ITGAD: variants seen among roughly 807,000 people sequenced by gnomAD.
ITGAD encodes the protein integrin alpha-D.
Under a neutral mutation model 139.0 loss-of-function variants are expected in ITGAD, and 105 were observed. The observed-to-expected ratio is 0.76, with a 90% CI of 0.65 to 0.89. The LOEUF (loss-of-function observed/expected upper bound fraction) is 0.89, where lower values mean the gene tolerates loss of function less well. Ranked by LOEUF, ITGAD falls within the 40% of genes least tolerant of loss-of-function variation. The pLI is 0.00. For synonymous variants in ITGAD, 569 were observed against 598.3 expected (o/e 0.95, Z 0.71); for missense variants, 1,384 against 1,487.3 (o/e 0.93, Z 1.14).
Position 31,414,954 on chromosome 16 carries a change from T to G in ITGAD, c.2246T>G (p.Val749Gly). 1 of 1,614,138 alleles carries G rather than the reference T, an allele frequency of 6.2e-7. No homozygotes were observed. The highest frequency in any genetic ancestry group is 8.5e-7 in the Non-Finnish European group (1 of 1,180,008). The change falls in exon 18 of 30, where the codon GTG becomes GGG. Residue 749 changes from valine to glycine, a missense_variant. Val to Gly is a moderately radical substitution (Grantham distance 109). Coordinates refer to ENST00000389202, the MANE Select transcript of ITGAD (RefSeq NM_005353.3). ...PIPSPQNLRPVLAVGSQDLFT... is the reference protein window; with the variant it reads ...PIPSPQNLRPGLAVGSQDLFT... ...CCCTCCCCCCAGAACCTGCGTCCTGTGCTGGCCGTGGGCTCACAAGACCTC... is the reference window on the plus strand; with the variant it reads ...CCCTCCCCCCAGAACCTGCGTCCTGGGCTGGCCGTGGGCTCACAAGACCTC...
chr16:31,423,227 A>T, intron 24 of ITGAD, 35 bp downstream of exon 24: 1 of 1,603,168 alleles, frequency 6.2e-7, no homozygotes, highest in Non-Finnish European at 8.5e-7. Context: ...TCTGCCTTCC[A>T]CGTTGTGGAT....
At chr16:31,425,794 TGCCTCA>T (rs2082103300) in intron 29 of ITGAD, among the ~76,000 whole-genome samples, 1 of 152,000 alleles carries the variant, frequency 6.6e-6, no homozygotes, top group Non-Finnish European at 1.5e-5. Flanking sequence ...GCGATTCTCT[TGCCTCA>T]GCCTCCTGAG....
At chr16:31,407,445 G>A (rs1267112015) in intron 7 of ITGAD, 70 bp from the exon 8 acceptor site, 2 of 1,408,618 alleles carry the variant, frequency 1.4e-6, no homozygotes, top group Non-Finnish European at 1.9e-6. Flanking sequence ...CCAGATGAGA[G>A]GACTGCAAAT....
In ITGAD at chr16:31,426,225, T is replaced by C; in HGVS notation, c.*97T>C. 1.3e-6 allele frequency: 1 copy of C among 788,552 alleles called. No individual in the cohort carries two copies. The allele number at this position is 788,552 out of a possible 1,614,324, so 48.8% of individuals were successfully genotyped here. A position where few individuals can be genotyped will look rare whatever the true frequency, so the allele number is the denominator to read the frequency against. On this transcript the variant is annotated 3_prime_UTR_variant, in exon 30 of 30. Transcript: ENST00000389202. ...AAACAACTTCTGCATAGATCTGCAC[T>C]GGCCTAAGCAACCTACCAGGTGCTA... is the stretch of plus-strand genomic sequence containing the variant.
rs947682706 is a variant in ITGAD at position 31,416,569 on chromosome 16, G to A, written c.2422G>A (p.Gly808Ser). The change falls in exon 20 of 30, where the codon GGT becomes AGT. Residue 808 changes from glycine to serine, a missense_variant. Physicochemically the swap from Gly to Ser is moderately conservative, Grantham distance 56. Coordinates refer to ENST00000389202, the MANE Select transcript of ITGAD (RefSeq NM_005353.3). ...CGTGATTGTGACTGTGTGGAACGCA[G>A]GTGAGGATTCCTACGGAACCGTGGT... ...LNVIVTVWNA[G>S]EDSYGTVVSL... The A allele has an allele frequency of 6.2e-7, 1 of 1,614,028 alleles. No individual in the cohort carries two copies. The highest frequency in any genetic ancestry group is 8.5e-7 in the Non-Finnish European group (1 of 1,179,894).
chr16:31,403,700 C>A lies in ITGAD; in HGVS notation c.704+55C>A. On this transcript the variant is annotated intron_variant, in intron 7 of 29. Transcript: ENST00000389202. This position sits in a 1 kb window ranked among gnomAD's most constrained non-coding sequence, Gnocchi z 4.4. ...GTGACTGCCACCCCCACTTCCTAAC[C>A]CTGGGTCAGCACAGCTCTTCTCAGA... 3 of 1,603,512 alleles carry A rather than the reference C, an allele frequency of 1.9e-6. No individual in the cohort carries two copies. The highest frequency in any genetic ancestry group is 2.6e-6 in the Non-Finnish European group (3 of 1,171,912).
In ITGAD at chr16:31,407,525, T is replaced by TC. The variant is rs749858821; in HGVS notation, c.715_716insC (p.Phe239SerfsTer4). ...TTTCCTCCCCGACAGGACACAGCTA[T>TC]TTCATCATAAGAATGGGGCCCGAAA... On this transcript the variant is annotated frameshift_variant, in exon 8 of 30. Transcript: ENST00000389202. LOFTEE classifies it high-confidence loss of function. The TC allele has an allele frequency of 1.1e-5, 17 of 1,593,300 alleles. No individual in the cohort carries two copies. The highest frequency in any genetic ancestry group is 1.1e-5 in the Non-Finnish European group (13 of 1,168,680).
intron 1 of ITGAD, among the ~76,000 whole-genome samples, chr16:31,393,824 T>TCA (rs2031772536): frequency 6.6e-6 from 1 of 151,994 alleles, no homozygotes; most frequent in South Asian, 2.1e-4. Context: ...AGAGTCACAT[T>TCA]CACGTGCCAT....
In ITGAD at chr16:31,413,216, A is replaced by C. The variant is rs1428752604; in HGVS notation, c.1966A>C (p.Thr656Pro). 6.2e-7 allele frequency: 1 copy of C among 1,614,070 alleles called. No homozygotes were observed. The highest frequency in any genetic ancestry group is 1.1e-5 in the South Asian group (1 of 91,082). ...LEAGDATVCL[T>P]IQKSSLDQLG... ...AGCTGGGGACGCCACCGTCTGTCTC[A>C]CCATCCAGAAAAGCTCACTGGACCA... Residue 656 changes from threonine (T) to proline (P), a missense_variant, in exon 16 of 30, where the codon ACC becomes CCC. Thr to Pro is a conservative substitution (Grantham distance 38, BLOSUM62 -1). Transcript: ENST00000389202.
chr16:31,415,139 TG>T, intron 18 of ITGAD, 148 bp downstream of exon 18: 1 of 827,482 alleles, frequency 1.2e-6, no homozygotes, highest in Non-Finnish European at 1.9e-6. Context: ...CCCAGGCCTG[TG>T]GGTTCTGTCT....
intron 29 of ITGAD, 60 bp from the exon 30 acceptor site, chr16:31,425,955 A>G (rs893569433): frequency 5.6e-6 from 6 of 1,077,624 alleles, no homozygotes; most frequent in Non-Finnish European, 8.6e-6. Flanking sequence ...TGCTGAGATT[A>G]CAGGTGTGAG....
At chr16:31,405,970 C>A (rs898614454) in intron 7 of ITGAD, among the ~76,000 whole-genome samples, 3 of 152,150 alleles carry the variant, frequency 2.0e-5, no homozygotes, top group African/African-American at 7.2e-5. Context: ...AACCCTTTCC[C>A]CAGTGTTGGA....
Position 31,402,258 on chromosome 16 carries a change from C to A in ITGAD, c.558+13C>A. ...CACTGACACCCTGGTGAAGACTGGG[C>A]ACCTGGGGCTGGGGTTTGGGGGACG... On this transcript the variant is annotated intron_variant, in intron 6 of 29. Transcript: ENST00000389202. The A allele has an allele frequency of 6.9e-7, 1 of 1,448,360 alleles. No individual in the cohort carries two copies. The highest frequency in any genetic ancestry group is 9.6e-7 in the Non-Finnish European group (1 of 1,045,074). The allele number at this position is 1,448,360 out of a possible 1,614,324, so 89.7% of individuals were successfully genotyped here. A position where few individuals can be genotyped will look rare whatever the true frequency, so the allele number is the denominator to read the frequency against.
At chr16:31,419,812 C>CAAAAAAAAAAAAAAAAAA (rs1202333629) in intron 23 of ITGAD, among the ~76,000 whole-genome samples, 1 of 58,250 alleles carries the variant, frequency 1.7e-5, no homozygotes, top group African/African-American at 5.8e-5. Context: ...GGCTCTGTCT[C>CAAAAAAAAAAAAAAAAAA]AAAAAAAAAA....
chr16:31,414,330 G>A (rs1178918508), intron 16 of ITGAD, 121 bp from the exon 17 acceptor site: 23 of 984,674 alleles, frequency 2.3e-5, no homozygotes, highest in Admixed American at 1.8e-4. Context: ...TCCCCAGCAC[G>A]TGGTACAGTT....
At chr16:31,401,970 G>A in intron 5 of ITGAD, 145 bp from the exon 6 acceptor site, 1 of 854,512 alleles carries the variant, frequency 1.2e-6, no homozygotes. Flanking sequence ...AGGGGGCTGG[G>A]GTGGCAGACT....
intron 5 of ITGAD, among the ~76,000 whole-genome samples, chr16:31,399,283 C>T (rs895016420): frequency 2.6e-5 from 4 of 152,210 alleles, no homozygotes; most frequent in African/African-American, 7.2e-5. Context: ...GTGCATAAAG[C>T]ACTTGGAACC....
At position 31,426,102 on chromosome 16, in the gene ITGAD, G is replaced by A; in HGVS notation, c.3460G>A (p.Val1154Met). The change falls in exon 30 of 30, where the codon GTG becomes ATG. Residue 1154 changes from valine (V) to methionine (M), a missense_variant. Coordinates refer to ENST00000389202, the MANE Select transcript of ITGAD (RefSeq NM_005353.3). ...ATTCAGTGGGGACGATTTCAGCTGTGTGGCCCCAAATGTGCCTTTGTCCTA... is the reference window on the plus strand; with the variant it reads ...ATTCAGTGGGGACGATTTCAGCTGTATGGCCCCAAATGTGCCTTTGTCCTA... The part of the protein sequence containing the change: ...ATFSGDDFSC[V>M]APNVPLS The A allele has an allele frequency of 6.2e-7, 1 of 1,612,954 alleles. No individual in the cohort carries two copies. Among genetic ancestry groups the A allele is most frequent in the Non-Finnish European group, 8.5e-7 (1 of 1,178,942 alleles).
In ITGAD at chr16:31,403,621, C is replaced by T. The variant is rs199750609; in HGVS notation, c.680C>T (p.Thr227Met). ...PIVQLKGLTF[T>M]ATGILTVVTQ... ...GTCCAACTGAAAGGCCTGACGTTCA[C>T]GGCCACGGGCATCCTGACAGTGGTG... is the stretch of plus-strand genomic sequence containing the variant. The change falls in exon 7 of 30, where the codon ACG becomes ATG. Residue 227 changes from threonine (T) to methionine (M), a missense_variant. Transcript: ENST00000389202. This position sits in a 1 kb window ranked among gnomAD's most constrained non-coding sequence, Gnocchi z 4.4. 71 of 1,614,110 alleles carry T rather than the reference C, an allele frequency of 4.4e-5. No individual in the cohort carries two copies. Among genetic ancestry groups the T allele is most frequent in the Non-Finnish European group, 4.0e-5 (47 of 1,180,006 alleles).
Sources: allele counts gnomAD v4.1 joint callset (sites outside exome capture counted in the v4.1 genomes callset), GRCh38; gene constraint gnomAD v4.1.1; non-coding constraint Gnocchi (gnomAD v3.1); transcripts MANE v1.5; gene names NCBI Gene and HGNC (gene_info 2026-07-23, HGNC 2026-07-21).